HSD17B12: variants seen among roughly 807,000 people sequenced by gnomAD.
HSD17B12 encodes hydroxysteroid 17-beta dehydrogenase 12.
Under a neutral mutation model 39.3 loss-of-function variants are expected in HSD17B12, and 32 were observed. That is an observed-to-expected ratio of 0.81 (90% CI 0.61 to 1.09). The LOEUF is 1.09. Among genes scored for constraint, HSD17B12 ranks in the 50% least tolerant of loss-of-function variants. HSD17B12 has a pLI of 0.00. For synonymous variants in HSD17B12, 150 were observed against 146.7 expected, an observed-to-expected ratio of 1.02 and a Z score of -0.16; for missense variants, 342 against 382.9, an observed-to-expected ratio of 0.89 and a Z score of 0.89.
At chr11:43,648,556 G>A in the HSD17B12 span, among the ~76,000 whole-genome samples, 1 of 152,072 alleles carries the variant, frequency 6.6e-6, no homozygotes, top group African/African-American at 2.4e-5. Flanking sequence ...TAAATATAAT[G>A]TGAAAATTTT....
chr11:43,656,189 G>A, the HSD17B12 span, among the ~76,000 whole-genome samples: 2 of 152,168 alleles, frequency 1.3e-5, no homozygotes, highest in South Asian at 2.1e-4. Flanking sequence ...TAGTTTATTT[G>A]CGTAGAGGTG....
intron 9 of HSD17B12, 187 bp from the exon 10 acceptor site, chr11:43,854,528 T>G: frequency 1.8e-6 from 1 of 564,928 alleles, no homozygotes; most frequent in Non-Finnish European, 3.1e-6. Context: ...ATTGATTTGT[T>G]ACAATTTGTT....
the HSD17B12 span, among the ~76,000 whole-genome samples, chr11:43,600,455 G>T: frequency 6.6e-6 from 1 of 152,040 alleles, no homozygotes; most frequent in Non-Finnish European, 1.5e-5. Context: ...TATTCATGGT[G>T]TTGAATGTTG....
chr11:43,695,616 A>T (rs1590667069), intron 1 of HSD17B12, among the ~76,000 whole-genome samples: 1 of 152,216 alleles, frequency 6.6e-6, no homozygotes, highest in East Asian at 1.9e-4. Context: ...TATAAATGAT[A>T]TCTTTTAATG....
At chr11:43,608,362 C>CA in the HSD17B12 span, among the ~76,000 whole-genome samples, 5,830 of 122,904 alleles carry the variant, frequency 0.047, 151 homozygotes, top group African/African-American at 0.086. Context: ...GACTCTGTCT[C>CA]AAAAAAAAAA....
chr11:43,750,028 G>C (rs927819819), intron 1 of HSD17B12, among the ~76,000 whole-genome samples: 5 of 151,948 alleles, frequency 3.3e-5, no homozygotes, highest in Non-Finnish European at 7.4e-5. Context: ...AGGCAAATAT[G>C]GTTTCTCATA....
intron 1 of HSD17B12, among the ~76,000 whole-genome samples, chr11:43,704,245 G>T (rs1949993284): frequency 1.3e-5 from 2 of 152,200 alleles, no homozygotes; most frequent in Admixed American, 1.3e-4. Flanking sequence ...AAATATAGTA[G>T]ATTAGAGGCA....
chr11:43,713,148 A>G (rs1309619700), intron 1 of HSD17B12, among the ~76,000 whole-genome samples: 1 of 152,180 alleles, frequency 6.6e-6, no homozygotes, highest in Non-Finnish European at 1.5e-5. Context: ...TTTTTGTTAT[A>G]CTTTAAGTTC....
At chr11:43,637,734 T>G in the HSD17B12 span, among the ~76,000 whole-genome samples, 1 of 152,220 alleles carries the variant, frequency 6.6e-6, no homozygotes, top group African/African-American at 2.4e-5. Flanking sequence ...TGTTAATTTG[T>G]AATTCAGCAA....
the HSD17B12 span, among the ~76,000 whole-genome samples, chr11:43,580,996 C>CG: frequency 6.6e-6 from 1 of 151,908 alleles, no homozygotes; most frequent in African/African-American, 2.4e-5. Flanking sequence ...AGAGGGGATT[C>CG]GGGGGGAATC....
intron 1 of HSD17B12, among the ~76,000 whole-genome samples, chr11:43,689,558 A>G (rs1177826841): frequency 6.6e-6 from 1 of 151,552 alleles, no homozygotes; most frequent in Non-Finnish European, 1.5e-5. Flanking sequence ...GTTTATTTTT[A>G]TTTTTTGAAG....
At chr11:43,573,624 A>G in the HSD17B12 span, among the ~76,000 whole-genome samples, 4 of 152,194 alleles carry the variant, frequency 2.6e-5, no homozygotes, top group Admixed American at 6.5e-5. Context: ...GTGATTTTAA[A>G]TGAATCTGTC....
intron 1 of HSD17B12, among the ~76,000 whole-genome samples, chr11:43,713,178 G>A (rs1203117141): frequency 6.6e-6 from 1 of 152,086 alleles, no homozygotes; most frequent in Non-Finnish European, 1.5e-5. Flanking sequence ...TGTGCACAAC[G>A]TGCAGGTTTG....
At chr11:43,635,740 A>T in the HSD17B12 span, among the ~76,000 whole-genome samples, 26 of 152,358 alleles carry the variant, frequency 1.7e-4, no homozygotes, top group South Asian at 5.0e-3. Context: ...CTATACCAAG[A>T]TGATTTGATT....
At chr11:43,627,025 C>G in the HSD17B12 span, among the ~76,000 whole-genome samples, 3 of 151,978 alleles carry the variant, frequency 2.0e-5, no homozygotes, top group Non-Finnish European at 4.4e-5. Context: ...ATCTACCTGA[C>G]GTTTGCAAAC....
intron 1 of HSD17B12, among the ~76,000 whole-genome samples, chr11:43,742,131 A>T (rs867957398): frequency 8.8e-6 from 1 of 114,026 alleles, no homozygotes; most frequent in Non-Finnish European, 1.8e-5. Flanking sequence ...ATATATATAT[A>T]TATATATATT....
At chr11:43,677,179 G>A (rs1231849624), upstream of HSD17B12, among the ~76,000 whole-genome samples, 3 of 152,186 alleles carry the variant, frequency 2.0e-5, no homozygotes, top group African/African-American at 7.2e-5. Flanking sequence ...TGGAGAAGGG[G>A]GGGTTTGGGC....
chr11:43,741,554 G>T (rs1020593603), intron 1 of HSD17B12, among the ~76,000 whole-genome samples: 3 of 151,852 alleles, frequency 2.0e-5, no homozygotes, highest in Non-Finnish European at 4.4e-5. Context: ...TCCCCCAGAA[G>T]CAACTATCAA....
rs556302918 is a variant in HSD17B12, at chr11:43,714,956, A to AT, written c.160+33974dup. ...TTATTGGTGTATAAGAATGCTTGTG[A>AT]TTTTTGCACATTGATTTTGTATCCT... is the stretch of plus-strand genomic sequence containing the variant. On this transcript the variant is annotated intron_variant, in intron 1 of 10. Transcript: ENST00000278353. 8.9e-4 allele frequency among the ~76,000 whole-genome samples: 136 copies of AT among 152,094 alleles called. 1 individual carries two copies. Among genetic ancestry groups the AT allele is most frequent in the African/African-American group, 3.2e-3 (134 of 41,482 alleles).
Sources: allele counts gnomAD v4.1 joint callset (sites outside exome capture counted in the v4.1 genomes callset), GRCh38; gene constraint gnomAD v4.1.1; transcripts MANE v1.5; gene names NCBI Gene and HGNC (gene_info 2026-07-23, HGNC 2026-07-21).